Variants in RB1 observed in about 807,000 individuals in gnomAD.
The protein encoded by RB1 is retinoblastoma-associated protein.
Under a neutral mutation model 135.4 loss-of-function variants are expected in RB1, and 18 were observed. The ratio of observed to expected loss-of-function variants is 0.13; its 90% CI spans 0.09 to 0.20. RB1 has a LOEUF of 0.20. Among genes scored for constraint, RB1 ranks in the 10% least tolerant of loss-of-function variants. The pLI, the probability that RB1 is intolerant of heterozygous loss-of-function variation, is 1.00. For synonymous variants in RB1, 365 were observed against 373.2 expected (o/e 0.98, Z 0.25); for missense variants, 868 against 1,110.0 (o/e 0.78, Z 3.10).
intron 2 of RB1, among the ~76,000 whole-genome samples, chr13:48,339,219 A>G (rs1197371310): frequency 6.6e-6 from 1 of 152,198 alleles, no homozygotes; most frequent in East Asian, 1.9e-4. Flanking sequence ...GGGACATTTA[A>G]GTCTGCAGAG....
At chr13:48,458,083 T>G (rs1005017651) in intron 19 of RB1, among the ~76,000 whole-genome samples, 6 of 152,324 alleles carry the variant, frequency 3.9e-5, no homozygotes, top group Admixed American at 3.9e-4. Flanking sequence ...GGGGAGCTCC[T>G]GTCCCAACTC....
At chr13:48,314,946 A>C (rs1952167832) in intron 2 of RB1, among the ~76,000 whole-genome samples, 1 of 152,182 alleles carries the variant, frequency 6.6e-6, no homozygotes, top group Admixed American at 6.5e-5. Context: ...TCAAAGGATG[A>C]AATTGGGTAA....
rs188340176 is a variant in RB1, at chr13:48,404,498, A to G, written c.1695+23055A>G. Among the ~76,000 whole-genome samples the G allele has an allele frequency of 6.6e-5, 10 of 152,162 alleles. No individual in the cohort carries two copies. The East Asian group carries it at 1.7e-3, about 26-fold the overall frequency. Reference sequence around the variant, plus strand: ...AGGGGGCTTCAGATGGAAAGGGCCCATAGTGCCAAGCATGATGAATGAATG... The same window carrying G: ...AGGGGGCTTCAGATGGAAAGGGCCCGTAGTGCCAAGCATGATGAATGAATG... On this transcript the variant is annotated intron_variant, in intron 17 of 26. Coordinates refer to ENST00000267163, the MANE Select transcript of RB1 (RefSeq NM_000321.3).
chr13:48,379,785 C>T (rs1948515759), intron 14 of RB1, 135 bp downstream of exon 14: 2 of 1,180,920 alleles, frequency 1.7e-6, no homozygotes, highest in Admixed American at 5.0e-5. Context: ...AATGGTGAAA[C>T]CCTGTCTCTA....
rs149756855 is a variant in RB1 at position 48,377,900 on chromosome 13, G to A, written c.1332+866G>A. On this transcript the variant is annotated intron_variant, in intron 13 of 26. Transcript: ENST00000267163. ...ACAGCATGTGTACTGAATACTGTAG[G>A]TAATGGTAACATAATGTGTTACCAT... 2.6e-5 allele frequency among the ~76,000 whole-genome samples: 4 copies of A among 152,186 alleles called. No homozygotes were observed. In the East Asian group the frequency reaches 5.8e-4, roughly 22 times the overall value.
In RB1 at chr13:48,473,373, A is replaced by G; in HGVS notation, c.2503A>G (p.Ile835Val). The G allele has an allele frequency of 1.3e-6, 2 of 1,569,772 alleles. No individual in the cohort carries two copies. Among genetic ancestry groups the G allele is most frequent in the East Asian group, 2.2e-5 (1 of 44,500 alleles). ...TTAACTTGACAGAATCTTAGTATCA[A>G]TTGGTGAATCATTCGGGGTGAGTAT... ...MTPRSRILVSIGESFGTSEKF... is the reference protein window; with the variant it reads ...MTPRSRILVSVGESFGTSEKF... The change falls in exon 24 of 27, where the codon ATT (isoleucine) becomes GTT (valine). Residue 835 changes from isoleucine (I) to valine (V), a missense_variant. Transcript: ENST00000267163.
intron 17 of RB1, among the ~76,000 whole-genome samples, chr13:48,428,710 A>C (rs1482325799): frequency 2.0e-5 from 3 of 152,202 alleles, no homozygotes; most frequent in Non-Finnish European, 2.9e-5. Flanking sequence ...ACCATCCTTC[A>C]TTTTTAGCTT....
chr13:48,476,934 C>G (rs2138360081), intron 25 of RB1, 91 bp downstream of exon 25: 1 of 1,492,786 alleles, frequency 6.7e-7, no homozygotes, highest in Non-Finnish European at 9.3e-7. Context: ...ATACCAATTT[C>G]TTTCATGCCA....
At chr13:48,426,255 ATATCT>A (rs764829160) in intron 17 of RB1, among the ~76,000 whole-genome samples, 4 of 152,226 alleles carry the variant, frequency 2.6e-5, no homozygotes, top group Non-Finnish European at 2.9e-5. Context: ...ATCACCTATA[ATATCT>A]TAACTTTATA....
intron 17 of RB1, among the ~76,000 whole-genome samples, chr13:48,403,029 C>T (rs1011718482): frequency 2.0e-5 from 3 of 151,672 alleles, no homozygotes; most frequent in African/African-American, 7.3e-5. Context: ...GTTTTATGTC[C>T]TATTAAAATA....
rs1243796201 is a variant in RB1 at position 48,380,069 on chromosome 13, C to T, written c.1406C>T (p.Ser469Phe). ...SMLKSEEERL[S>F]IQNFSKLLND... Reference sequence around the variant, plus strand: ...CTGTTTCAGGAAGAAGAACGATTATCCATTCAAAATTTTAGGTAAATTTTT... The same window carrying T: ...CTGTTTCAGGAAGAAGAACGATTATTCATTCAAAATTTTAGGTAAATTTTT... Residue 469 changes from serine to phenylalanine, a missense_variant, in exon 15 of 27, where the codon TCC (serine) becomes TTC (phenylalanine). Transcript: ENST00000267163. 3.7e-6 allele frequency: 5 copies of T among 1,362,554 alleles called. No homozygotes were observed. The highest frequency in any genetic ancestry group is 4.0e-6 in the Non-Finnish European group (4 of 1,008,694). 84.4% of individuals were successfully genotyped at this position (1,362,554 alleles called of 1,614,324 possible). A position where few individuals can be genotyped will look rare whatever the true frequency, so the allele number is the denominator to read the frequency against.
At position 48,477,712 on chromosome 13, in the gene RB1, G is replaced by A. The variant is rs2984828; in HGVS notation, c.2713+308G>A. On this transcript the variant is annotated intron_variant, in intron 26 of 26. Coordinates refer to ENST00000267163, the MANE Select transcript of RB1 (RefSeq NM_000321.3). ...TACTTTAGCAGAACTACAAAGAGGA[G>A]CTATTTGGGAGTGTTAGATATAGGG... Among the ~76,000 whole-genome samples, 138,078 of 152,172 alleles carry A rather than the reference G, an allele frequency of 0.91. 63,650 individuals carry two copies. Among genetic ancestry groups the A allele is most frequent in the East Asian group, 1 (5,170 of 5,186 alleles).
At chr13:48,320,263 C>T (rs1952222724) in intron 2 of RB1, 24 of 1,178,626 alleles carry the variant, frequency 2.0e-5, no homozygotes, top group Non-Finnish European at 2.9e-5. Context: ...CCTGTGGCCC[C>T]TCTGTGCAGC....
intron 17 of RB1, among the ~76,000 whole-genome samples, chr13:48,395,399 G>A (rs901244167): frequency 3.3e-5 from 5 of 152,078 alleles, no homozygotes; most frequent in African/African-American, 1.2e-4. Context: ...GACAGAAGTA[G>A]GCTTCAGAAG....
chr13:48,458,733 A>G (rs906914738), intron 19 of RB1, among the ~76,000 whole-genome samples: 1 of 152,246 alleles, frequency 6.6e-6, no homozygotes, highest in Non-Finnish European at 1.5e-5. Context: ...TGAAAGAGAT[A>G]TATAAAAGGT....
chr13:48,345,442 C>CTT (rs1312017311), intron 4 of RB1, among the ~76,000 whole-genome samples: 1 of 152,134 alleles, frequency 6.6e-6, no homozygotes, highest in East Asian at 1.9e-4. Flanking sequence ...TTTTCAAAAA[C>CTT]TTTAAGCTTA....
chr13:48,464,957 A>AATT, intron 21 of RB1, 41 bp from the exon 22 acceptor site: 1 of 1,136,268 alleles, frequency 8.8e-7, no homozygotes, highest in Non-Finnish European at 1.2e-6. Context: ...AGTAAATTTT[A>AATT]CTTTTTTTTT....
At chr13:48,385,001 C>T (rs1450060089) in intron 17 of RB1, among the ~76,000 whole-genome samples, 1 of 152,148 alleles carries the variant, frequency 6.6e-6, no homozygotes, top group Non-Finnish European at 1.5e-5. Context: ...CCTATTAAAT[C>T]TGTTAAGAGG....
At chr13:48,423,389 T>A (rs1279145685) in intron 17 of RB1, among the ~76,000 whole-genome samples, 2 of 152,088 alleles carry the variant, frequency 1.3e-5, no homozygotes, top group Admixed American at 1.3e-4. Flanking sequence ...CTCTCAGGTA[T>A]AATAGATCAA....
Sources: allele counts gnomAD v4.1 joint callset (sites outside exome capture counted in the v4.1 genomes callset), GRCh38; gene constraint gnomAD v4.1.1; transcripts MANE v1.5; gene names NCBI Gene and HGNC (gene_info 2026-07-23, HGNC 2026-07-21).